The following CACNB2 variants were observed in gnomAD, a reference collection of about 807,000 sequenced individuals.
CACNB2 encodes calcium voltage-gated channel auxiliary subunit beta 2.
Under a neutral mutation model 73.3 loss-of-function variants are expected in CACNB2, and 42 were observed. The ratio of observed to expected loss-of-function variants is 0.57; its 90% confidence interval spans 0.45 to 0.74. The LOEUF (loss-of-function observed/expected upper bound fraction) is 0.74. CACNB2 is among the 30% of genes least tolerant of loss of function. The probability of loss-of-function intolerance (pLI) is 0.00; values close to 1 mark genes in which losing one functional copy is unlikely to be tolerated. For synonymous variants in CACNB2, 348 were observed against 310.3 expected (o/e 1.12, Z -1.28); for missense variants, 940 against 853.0 (o/e 1.10, Z -1.27).
intron 2 of CACNB2, among the ~76,000 whole-genome samples, chr10:18,263,665 G>T (rs1256603846): frequency 6.6e-6 from 1 of 152,096 alleles, no homozygotes. Flanking sequence ...GAATATGAAA[G>T]TTATGTGGGT....
At chr10:18,412,430 A>G (rs556576733) in intron 3 of CACNB2, among the ~76,000 whole-genome samples, 1 of 151,898 alleles carries the variant, frequency 6.6e-6, no homozygotes, top group Admixed American at 6.6e-5. Flanking sequence ...CCTTCTTTCT[A>G]CTGCCAACCT....
intron 2 of CACNB2, among the ~76,000 whole-genome samples, chr10:18,213,921 C>A (rs975088345): frequency 6.6e-6 from 1 of 152,066 alleles, no homozygotes; most frequent in Non-Finnish European, 1.5e-5. Context: ...GATCAGTATA[C>A]GGTAGCTACT....
At chr10:18,237,067 G>A (rs1051261327) in intron 2 of CACNB2, among the ~76,000 whole-genome samples, 2 of 152,196 alleles carry the variant, frequency 1.3e-5, no homozygotes, top group African/African-American at 2.4e-5. Flanking sequence ...TCTCAAAGGC[G>A]AAAGGGTGAG....
At position 18,445,183 on chromosome 10, in the gene CACNB2, A is replaced by G. The variant is rs2046671521; in HGVS notation, c.333+43140A>G. On this transcript the variant is annotated intron_variant, in intron 3 of 13. Transcript: ENST00000324631. ...TGTTATTTTTTCAGTTCATTATTAA[A>G]GTTGTTTGGGGGAATTTGAACACAT... Among the ~76,000 whole-genome samples the G allele has an allele frequency of 5.3e-5, 8 of 152,170 alleles. 1 individual carries two copies. The South Asian group carries it at 1.7e-3, about 31-fold the overall frequency.
intron 2 of CACNB2, among the ~76,000 whole-genome samples, chr10:18,309,677 C>A (rs1019882686): frequency 6.6e-6 from 1 of 151,982 alleles, no homozygotes; most frequent in African/African-American, 2.4e-5. Context: ...AGGCTGGTCT[C>A]AAATCTCCTG....
intron 3 of CACNB2, among the ~76,000 whole-genome samples, chr10:18,467,600 G>A (rs1056407961): frequency 6.6e-6 from 1 of 152,204 alleles, no homozygotes; most frequent in Non-Finnish European, 1.5e-5. Flanking sequence ...TTCTAGGGAA[G>A]GAGAATCTGG....
chr10:18,328,461 C>T lies in CACNB2; in HGVS notation c.214-73463C>T, dbSNP rs541710668. 2.8e-3 allele frequency among the ~76,000 whole-genome samples: 423 copies of T among 152,286 alleles called. 1 individual carries two copies. The highest frequency in any genetic ancestry group is 9.8e-3 in the African/African-American group (406 of 41,558). On this transcript the variant is annotated intron_variant, in intron 2 of 13. Coordinates refer to ENST00000324631, the MANE Select transcript of CACNB2 (RefSeq NM_201596.3). ...CTGGTTTATCCACTTAGGTATCATA[C>T]TCATTATATTCATAGTTAGAATAAT...
At chr10:18,473,308 G>A (rs1004337595) in intron 3 of CACNB2, among the ~76,000 whole-genome samples, 1 of 152,168 alleles carries the variant, frequency 6.6e-6, no homozygotes, top group East Asian at 1.9e-4. Context: ...TTCAATTCAA[G>A]TTAATATGAA....
intron 2 of CACNB2, among the ~76,000 whole-genome samples, chr10:18,211,410 A>G (rs899901157): frequency 2.6e-5 from 4 of 152,212 alleles, no homozygotes; most frequent in African/African-American, 9.6e-5. Context: ...CTTTTAAGAT[A>G]TACAAAAAGG....
intron 2 of CACNB2, among the ~76,000 whole-genome samples, chr10:18,273,816 AC>A (rs1056655835): frequency 1.3e-5 from 2 of 152,228 alleles, no homozygotes; most frequent in Admixed American, 1.3e-4. Flanking sequence ...ACTGAGCAAC[AC>A]TTTGAAGAAC....
intron 2 of CACNB2, among the ~76,000 whole-genome samples, chr10:18,352,148 C>T (rs1374015700): frequency 6.6e-6 from 1 of 152,198 alleles, no homozygotes; most frequent in African/African-American, 2.4e-5. Flanking sequence ...CCAAGCCAGC[C>T]TCTGCGTACT....
At chr10:18,370,927 T>C (rs149962483) in intron 2 of CACNB2, among the ~76,000 whole-genome samples, 1 of 152,314 alleles carries the variant, frequency 6.6e-6, no homozygotes, top group African/African-American at 2.4e-5. Flanking sequence ...ATATGTCACA[T>C]GGTGAACATT....
intron 2 of CACNB2, among the ~76,000 whole-genome samples, chr10:18,164,734 C>T (rs1322315014): frequency 6.6e-6 from 1 of 151,886 alleles, no homozygotes; most frequent in African/African-American, 2.4e-5. Context: ...GTCTTTTTTA[C>T]TCAAAGCAGA....
intron 12 of CACNB2, among the ~76,000 whole-genome samples, chr10:18,536,436 T>TC (rs1008629604): frequency 2.0e-5 from 3 of 151,340 alleles, no homozygotes; most frequent in Non-Finnish European, 4.4e-5. Flanking sequence ...CTTTTTTTTT[T>TC]CCCCCTGTAG....
intron 6 of CACNB2, among the ~76,000 whole-genome samples, chr10:18,510,303 CTCTT>C (rs373350091): frequency 3.6e-4 from 55 of 152,182 alleles, no homozygotes; most frequent in African/African-American, 1.1e-3. Flanking sequence ...TACGTTTCCA[CTCTT>C]TCTTTGTTTT....
intron 2 of CACNB2, among the ~76,000 whole-genome samples, chr10:18,342,399 G>T (rs1431872312): frequency 6.6e-6 from 1 of 152,160 alleles, no homozygotes. Context: ...AGGCCAAGGT[G>T]GGAGGATCGC....
intron 2 of CACNB2, among the ~76,000 whole-genome samples, chr10:18,250,239 CA>C (rs1209979007): frequency 6.6e-6 from 1 of 152,224 alleles, no homozygotes; most frequent in Non-Finnish European, 1.5e-5. Flanking sequence ...AGATATAAAT[CA>C]AGCTAGGTGT....
intron 2 of CACNB2, chr10:18,340,727 C>A: frequency 6.9e-7 from 1 of 1,458,460 alleles, no homozygotes; most frequent in Non-Finnish European, 9.0e-7. Flanking sequence ...GGTTCTGGAA[C>A]AGAGAGCTGT....
At chr10:18,399,217 AT>A (rs1188951361) in intron 2 of CACNB2, among the ~76,000 whole-genome samples, 1 of 151,954 alleles carries the variant, frequency 6.6e-6, no homozygotes. Context: ...CTTCCTGGTA[AT>A]TTTCTACTGT....
Sources: gnomAD v4.1 joint callset for allele counts (sites outside exome capture counted in the v4.1 genomes callset) on GRCh38, gnomAD v4.1.1 for gene constraint, MANE v1.5 for transcripts, NCBI Gene and HGNC (gene_info 2026-07-23, HGNC 2026-07-21) for gene names.